The following ANKS1B variants were observed in gnomAD, a reference collection of about 807,000 sequenced individuals.
ANKS1B encodes the protein ankyrin repeat and sterile alpha motif domain containing 1B.
Under a neutral mutation model 148.3 loss-of-function variants are expected in ANKS1B, and 36 were observed. The observed-to-expected ratio is 0.24, with a 90% CI of 0.19 to 0.32. The LOEUF (loss-of-function observed/expected upper bound fraction) is 0.32, where lower values mean the gene tolerates loss of function less well. ANKS1B is among the 10% of genes least tolerant of loss of function. ANKS1B has a pLI of 1.00. For synonymous variants in ANKS1B, 542 were observed against 560.8 expected (o/e 0.97, Z 0.47); for missense variants, 1,157 against 1,542.6 (o/e 0.75, Z 4.19).
intron 17 of ANKS1B, among the ~76,000 whole-genome samples, chr12:99,031,084 T>A (rs1280635166): frequency 3.3e-5 from 5 of 152,194 alleles, no homozygotes; most frequent in Admixed American, 3.3e-4. Context: ...ATTTCAAAAT[T>A]TTACTTTCTT....
At chr12:98,839,028 T>C (rs184200900) in intron 17 of ANKS1B, among the ~76,000 whole-genome samples, 18 of 152,352 alleles carry the variant, frequency 1.2e-4, no homozygotes, top group South Asian at 2.1e-4. Flanking sequence ...GTTTTGACCA[T>C]GACATTTTTC....
intron 17 of ANKS1B, among the ~76,000 whole-genome samples, chr12:98,874,799 C>T (rs1283252173): frequency 6.6e-6 from 1 of 152,054 alleles, no homozygotes; most frequent in Non-Finnish European, 1.5e-5. Context: ...ATTAATAACA[C>T]TGAAAAGTAC....
intron 25 of ANKS1B, among the ~76,000 whole-genome samples, chr12:98,765,043 T>C (rs1024293569): frequency 1.3e-5 from 2 of 152,190 alleles, no homozygotes; most frequent in African/African-American, 4.8e-5. Flanking sequence ...ACATATGTCG[T>C]GAATCAAAAA....
At chr12:98,780,840 T>C (rs2098727380) in intron 24 of ANKS1B, among the ~76,000 whole-genome samples, 1 of 152,160 alleles carries the variant, frequency 6.6e-6, no homozygotes, top group Admixed American at 6.5e-5. Flanking sequence ...GTGGCCACAG[T>C]CTATTAGAGA....
At chr12:99,777,355 C>T (rs1025061435) in intron 6 of ANKS1B, among the ~76,000 whole-genome samples, 2 of 152,180 alleles carry the variant, frequency 1.3e-5, no homozygotes, top group African/African-American at 2.4e-5. Flanking sequence ...CAAAGATGTA[C>T]TGTATGCCCT....
In ANKS1B at chr12:98,959,144, T is replaced by A. The variant is rs558670992; in HGVS notation, c.2778+94013A>T. ...TTTATTGGTGTAAATGTTTTCAGGG[T>A]TGCCAGTTTCTATTACTGCATGTTA... On this transcript the variant is annotated intron_variant, in intron 17 of 26. Coordinates refer to ENST00000683438, the MANE Select transcript of ANKS1B (RefSeq NM_001352186.2). Among the ~76,000 whole-genome samples, 3 of 152,342 alleles carry A rather than the reference T, an allele frequency of 2.0e-5. No homozygotes were observed. In the East Asian group the frequency reaches 5.8e-4, roughly 29 times the overall value.
intron 1 of ANKS1B, among the ~76,000 whole-genome samples, chr12:99,967,063 T>C (rs994738453): frequency 6.6e-6 from 1 of 152,126 alleles, no homozygotes; most frequent in African/African-American, 2.4e-5. Flanking sequence ...TGTAAACAAA[T>C]GACTTATTAT....
chr12:99,889,886 G>T (rs1364508571), intron 1 of ANKS1B, among the ~76,000 whole-genome samples: 1 of 151,896 alleles, frequency 6.6e-6, no homozygotes, highest in Non-Finnish European at 1.5e-5. Context: ...CTCACAGTGG[G>T]GCTCACACTG....
chr12:99,762,334 C>T (rs555267653), intron 8 of ANKS1B, among the ~76,000 whole-genome samples: 1 of 121,198 alleles, frequency 8.3e-6, no homozygotes, highest in African/African-American at 3.1e-5. Context: ...GGTACTGGTA[C>T]AAAAACAGAA....
At chr12:99,100,912 C>G (rs1378887015) in intron 15 of ANKS1B, among the ~76,000 whole-genome samples, 2 of 152,138 alleles carry the variant, frequency 1.3e-5, no homozygotes, top group Non-Finnish European at 2.9e-5. Context: ...AGCTTTGGAT[C>G]AGGAAAGACA....
intron 1 of ANKS1B, among the ~76,000 whole-genome samples, chr12:99,953,556 A>G (rs554652643): frequency 6.6e-6 from 1 of 152,208 alleles, no homozygotes; most frequent in East Asian, 1.9e-4. Context: ...ATGAAAGTTA[A>G]GAAAAGTTTT....
chr12:99,759,934 AT>A lies in ANKS1B; in HGVS notation c.1128+12987del, dbSNP rs2061926483. Among the ~76,000 whole-genome samples the A allele has an allele frequency of 2.2e-5, 3 of 136,166 alleles. No individual in the cohort carries two copies. The Admixed American group carries it at 2.3e-4, about 11-fold the overall frequency. 89.3% of individuals were successfully genotyped at this position (136,166 alleles called of 152,430 possible). On this transcript the variant is annotated intron_variant, in intron 8 of 26. Transcript: ENST00000683438. ...GAAAGTTTAATTCAAGTTAGAGATT[AT>A]AAAGAGATTAGAAAGAACAAAAGTA... is the stretch of plus-strand genomic sequence containing the variant.
At chr12:99,335,413 T>A (rs535906851) in intron 12 of ANKS1B, among the ~76,000 whole-genome samples, 2 of 152,148 alleles carry the variant, frequency 1.3e-5, no homozygotes, top group East Asian at 3.9e-4. Context: ...CTGTTGACTA[T>A]AGTCACCCTG....
intron 8 of ANKS1B, among the ~76,000 whole-genome samples, chr12:99,693,420 C>T (rs2053422421): frequency 6.6e-6 from 1 of 152,156 alleles, no homozygotes; most frequent in Non-Finnish European, 1.5e-5. Context: ...AAATATGTCA[C>T]TGTGAAAGGG....
At chr12:99,729,500 A>G (rs372770975) in intron 8 of ANKS1B, among the ~76,000 whole-genome samples, 3 of 151,970 alleles carry the variant, frequency 2.0e-5, no homozygotes, top group Admixed American at 1.3e-4. Flanking sequence ...GATTTTTTTA[A>G]TCATTTCTCT....
At chr12:99,728,722 T>C (rs10860497) in intron 8 of ANKS1B, among the ~76,000 whole-genome samples, 27,382 of 152,138 alleles carry the variant, frequency 0.18, 2,928 homozygotes, top group East Asian at 0.46. Flanking sequence ...CCAACCCAAA[T>C]GCCCATCAAT....
intron 11 of ANKS1B, among the ~76,000 whole-genome samples, chr12:99,415,496 T>C (rs2094868066): frequency 6.6e-6 from 1 of 152,188 alleles, no homozygotes; most frequent in Non-Finnish European, 1.5e-5. Flanking sequence ...GCTTTTTAAA[T>C]AGCTTAATTT....
In ANKS1B at chr12:99,797,798, C is replaced by T. The variant is rs574775394; in HGVS notation, c.669+8606G>A. ...GAAATTCTCTCATTGATTGGAAATG[C>T]CTGTTAAAGTCAAGCCTTGGTAGCA... is the stretch of plus-strand genomic sequence containing the variant. On this transcript the variant is annotated intron_variant, in intron 4 of 26. Coordinates refer to ENST00000683438, the MANE Select transcript of ANKS1B (RefSeq NM_001352186.2). Among the ~76,000 whole-genome samples the T allele has an allele frequency of 1.3e-5, 2 of 151,860 alleles. 1 individual carries two copies. The highest frequency in any genetic ancestry group is 2.9e-5 in the Non-Finnish European group (2 of 67,888).
chr12:99,842,509 T>G (rs1038291169), intron 1 of ANKS1B, among the ~76,000 whole-genome samples: 1 of 152,124 alleles, frequency 6.6e-6, no homozygotes, highest in Non-Finnish European at 1.5e-5. Flanking sequence ...CCTTGAGATC[T>G]TATCAGATTC....
Sources: gnomAD v4.1 joint callset for allele counts (sites outside exome capture counted in the v4.1 genomes callset) on GRCh38, gnomAD v4.1.1 for gene constraint, MANE v1.5 for transcripts, NCBI Gene and HGNC (gene_info 2026-07-23, HGNC 2026-07-21) for gene names.